Variants in RAB4A observed in about 807,000 individuals in gnomAD.
RAB4A encodes the protein ras-related protein Rab-4A.
RAB4A carries 20 observed loss-of-function variants against 34.5 expected under a neutral mutation model. The ratio of observed to expected loss-of-function variants is 0.58; its 90% CI spans 0.41 to 0.84. The LOEUF (loss-of-function observed/expected upper bound fraction) is 0.84, where lower values mean the gene tolerates loss of function less well. Among genes scored for constraint, RAB4A ranks in the 40% least tolerant of loss-of-function variants. The pLI is 0.00. For missense variants in RAB4A, 228 were observed against 274.5 expected, an observed-to-expected ratio of 0.83 and a Z score of 1.20; for synonymous variants, 102 against 100.0, an observed-to-expected ratio of 1.02 and a Z score of -0.12.
In RAB4A at chr1:229,298,967, T is replaced by G; in HGVS notation, c.446-10T>G. The G allele has an allele frequency of 6.3e-7, 1 of 1,595,222 alleles. No homozygotes were observed. The highest frequency in any genetic ancestry group is 8.6e-7 in the Non-Finnish European group (1 of 1,167,336). ...AAACATGACTTTATTTTGTTTGATG[T>G]CCATTTTAGAGCTGATGTTTTTGGA... On this transcript the variant is annotated splice_polypyrimidine_tract_variant and intron_variant, in intron 5 of 7. Coordinates refer to ENST00000366690, the MANE Select transcript of RAB4A (RefSeq NM_004578.4).
At chr1:229,277,905 C>G (rs772111130) in intron 1 of RAB4A, among the ~76,000 whole-genome samples, 2 of 151,300 alleles carry the variant, frequency 1.3e-5, no homozygotes, top group Non-Finnish European at 2.9e-5. Flanking sequence ...CACTCTGTTG[C>G]CCAGTCTGGA....
At chr1:229,288,020 G>C (rs1230193256) in intron 2 of RAB4A, among the ~76,000 whole-genome samples, 3 of 152,160 alleles carry the variant, frequency 2.0e-5, no homozygotes, top group Admixed American at 6.6e-5. Flanking sequence ...CATTCAAATA[G>C]TACTAATTTC....
intron 6 of RAB4A, 105 bp downstream of exon 6, chr1:229,299,177 T>C: frequency 1.3e-6 from 1 of 789,708 alleles, no homozygotes. Context: ...TAAAGAATGT[T>C]CTCTCTCTAC....
rs1656453522 is a variant in RAB4A, at chr1:229,271,196, T to A, written c.-144T>A. The stretch of plus-strand genomic sequence containing the variant: ...TGGAGTCCGGCTGGGCCGCAGCCGC[T>A]GGGAGACCGGCGGTTGCCGTGGGGA... On this transcript the variant is annotated 5_prime_UTR_variant, in exon 1 of 8. Coordinates refer to ENST00000366690, the MANE Select transcript of RAB4A (RefSeq NM_004578.4). The A allele has an allele frequency of 2.5e-5, 20 of 806,632 alleles. No homozygotes were observed. Among genetic ancestry groups the A allele is most frequent in the Non-Finnish European group, 3.3e-5 (20 of 604,472 alleles). 50.0% of individuals were successfully genotyped at this position (806,632 alleles called of 1,614,324 possible). A position where few individuals can be genotyped will look rare whatever the true frequency, so the allele number is the denominator to read the frequency against.
chr1:229,286,609 G>A, intron 2 of RAB4A, 43 bp downstream of exon 2: 1 of 1,218,408 alleles, frequency 8.2e-7, no homozygotes. Flanking sequence ...CATGTCTTCT[G>A]AGAGCCCTCT....
intron 1 of RAB4A, among the ~76,000 whole-genome samples, chr1:229,276,779 A>G (rs775342213): frequency 6.6e-6 from 1 of 151,112 alleles, no homozygotes; most frequent in Non-Finnish European, 1.5e-5. Flanking sequence ...TACATGATTA[A>G]AAGGTAAGCA....
At chr1:229,300,376 C>T (rs939993028) in intron 6 of RAB4A, among the ~76,000 whole-genome samples, 2 of 152,180 alleles carry the variant, frequency 1.3e-5, no homozygotes, top group Non-Finnish European at 1.5e-5. Context: ...AATTATAAGG[C>T]ATTTTTGAGT....
chr1:229,299,246 G>T (rs189040327), intron 6 of RAB4A, among the ~76,000 whole-genome samples, 174 bp downstream of exon 6: 22 of 152,326 alleles, frequency 1.4e-4, no homozygotes, highest in Admixed American at 1.2e-3. Flanking sequence ...CAGGATGAAA[G>T]CCCCATCCTT....
In RAB4A at chr1:229,305,427, A is replaced by C. The variant is rs1657524837; in HGVS notation, c.*1634A>C. The stretch of plus-strand genomic sequence containing the variant: ...AGATAAATGTAAAGTTGTTTTATAA[A>C]CGATCCTGTTAATTAAACCACAGAC... On this transcript the variant is annotated 3_prime_UTR_variant, in exon 8 of 8. Coordinates refer to ENST00000366690, the MANE Select transcript of RAB4A (RefSeq NM_004578.4). 2.4e-6 allele frequency: 2 copies of C among 838,408 alleles called. No individual in the cohort carries two copies. Among genetic ancestry groups the C allele is most frequent in the African/African-American group, 3.6e-5 (2 of 56,258 alleles). The allele number at this position is 838,408 out of a possible 1,614,324, so 51.9% of individuals were successfully genotyped here.
chr1:229,287,997 C>A (rs1208998132), intron 2 of RAB4A, among the ~76,000 whole-genome samples: 1 of 152,152 alleles, frequency 6.6e-6, no homozygotes, highest in African/African-American at 2.4e-5. Flanking sequence ...ACTTATTTTG[C>A]CTGTCTCCTG....
chr1:229,277,380 C>T (rs1253020687), intron 1 of RAB4A, among the ~76,000 whole-genome samples: 1 of 151,206 alleles, frequency 6.6e-6, no homozygotes, highest in Non-Finnish European at 1.5e-5. Context: ...ACCTCCTTTA[C>T]TTCTTATTCT....
intron 2 of RAB4A, among the ~76,000 whole-genome samples, chr1:229,287,056 T>A (rs1656941827): frequency 6.6e-6 from 1 of 152,230 alleles, no homozygotes; most frequent in African/African-American, 2.4e-5. Flanking sequence ...TTGAATTTTT[T>A]ATTTCAAACT....
chr1:229,279,559 T>C (rs1011042447), intron 1 of RAB4A, among the ~76,000 whole-genome samples: 2 of 147,290 alleles, frequency 1.4e-5, no homozygotes, highest in Non-Finnish European at 3.0e-5. Context: ...GTGTCTCCTG[T>C]AGAGTTAATC....
intron 2 of RAB4A, among the ~76,000 whole-genome samples, chr1:229,287,499 A>T (rs908819375): frequency 6.6e-6 from 1 of 152,184 alleles, no homozygotes; most frequent in African/African-American, 2.4e-5. Context: ...TGTGTGGTAC[A>T]GTCTTAGAAA....
At chr1:229,274,741 GA>G (rs1656597461) in intron 1 of RAB4A, among the ~76,000 whole-genome samples, 1 of 152,232 alleles carries the variant, frequency 6.6e-6, no homozygotes, top group Admixed American at 6.5e-5. Context: ...GAAAGGAGCT[GA>G]AAAGTATATG....
chr1:229,288,636 G>T, intron 2 of RAB4A, 93 bp from the exon 3 acceptor site: 1 of 663,998 alleles, frequency 1.5e-6, no homozygotes, highest in Non-Finnish European at 2.7e-6. Context: ...ATTCCCCATT[G>T]ATGTAACTCT....
chr1:229,278,760 C>G (rs1046984845), intron 1 of RAB4A, among the ~76,000 whole-genome samples: 7 of 152,330 alleles, frequency 4.6e-5, no homozygotes, highest in African/African-American at 1.7e-4. Context: ...CTTATAAGAG[C>G]TGTCAGTACT....
Position 229,277,266 on chromosome 1 carries a change from G to A in RAB4A, c.31+5896G>A, listed in dbSNP as rs114333272. Among the ~76,000 whole-genome samples, 1,021 of 150,900 alleles carry A rather than the reference G, an allele frequency of 6.8e-3. 59 individuals carry two copies. The highest frequency in any genetic ancestry group is 0.024 in the African/African-American group (972 of 40,360). On this transcript the variant is annotated intron_variant, in intron 1 of 7. Transcript: ENST00000366690. Reference sequence around the variant, plus strand: ...TGCTGCAAATGTTAAATTTACAAGCGTCAGGATTCCGCTGTGCCGACAACG... The same window carrying A: ...TGCTGCAAATGTTAAATTTACAAGCATCAGGATTCCGCTGTGCCGACAACG...
At chr1:229,271,603 C>G (rs1467711240) in intron 1 of RAB4A, among the ~76,000 whole-genome samples, 1 of 152,174 alleles carries the variant, frequency 6.6e-6, no homozygotes, top group Non-Finnish European at 1.5e-5. Flanking sequence ...AGCGCATTGG[C>G]GTGATCCGCC....
Sources: allele counts gnomAD v4.1 joint callset (sites outside exome capture counted in the v4.1 genomes callset), GRCh38; gene constraint gnomAD v4.1.1; transcripts MANE v1.5; gene names NCBI Gene and HGNC (gene_info 2026-07-23, HGNC 2026-07-21).